PKDCC: variants seen among roughly 807,000 people sequenced by gnomAD.
PKDCC encodes the protein extracellular tyrosine-protein kinase PKDCC.
A neutral mutation model predicts 44.7 loss-of-function variants in PKDCC; 35 were observed. The ratio of observed to expected loss-of-function variants is 0.78; its 90% CI spans 0.60 to 1.04. PKDCC has a LOEUF of 1.04. PKDCC is among the 50% of genes least tolerant of loss of function. The pLI, the probability that PKDCC is intolerant of heterozygous loss-of-function variation, is 0.00. For missense variants in PKDCC, 738 were observed against 672.7 expected, an observed-to-expected ratio of 1.10 and a Z score of -1.07; for synonymous variants, 353 against 303.3, an observed-to-expected ratio of 1.16 and a Z score of -1.70.
chr2:42,054,894 G>A lies in PKDCC; in HGVS notation c.1035-47G>A, dbSNP rs756343334. On this transcript the variant is annotated intron_variant, in intron 3 of 6. Transcript: ENST00000294964. This position sits in a 1 kb window ranked among gnomAD's most constrained non-coding sequence, Gnocchi z 6.1. ...CCAGGTTGGAATAGAGGAAGGATGT[G>A]TCTCCAAAGGCTGGATTCCTGAGCC... 3.2e-6 allele frequency: 5 copies of A among 1,540,224 alleles called. No individual in the cohort carries two copies. The highest frequency in any genetic ancestry group is 4.5e-6 in the Non-Finnish European group (5 of 1,112,796).
Position 42,053,247 on chromosome 2 carries a change from C to T in PKDCC, c.648C>T (p.Gly216=). 1 of 1,608,124 alleles carries T rather than the reference C, an allele frequency of 6.2e-7. No homozygotes were observed. Among genetic ancestry groups the T allele is most frequent in the Non-Finnish European group, 8.5e-7 (1 of 1,177,362 alleles). ...LRHPNVLQLY[G]YCYQDSEDIP... ...CCCTCGGCTTTCCCCAGCTCTATGG[C>T]TACTGCTACCAGGACAGCGAGGACA... Residue 216 remains glycine, a synonymous_variant, in exon 2 of 7, where the codon GGC becomes GGT. Coordinates refer to ENST00000294964, the MANE Select transcript of PKDCC (RefSeq NM_138370.3).
Position 42,048,123 on chromosome 2 carries a change from G to A in PKDCC, c.-77G>A, listed in dbSNP as rs1210995154. 1 of 858,986 alleles carries A rather than the reference G, an allele frequency of 1.2e-6. No individual in the cohort carries two copies. Among genetic ancestry groups the A allele is most frequent in the East Asian group, 1.3e-4 (1 of 7,492 alleles). 53.2% of individuals were successfully genotyped at this position (858,986 alleles called of 1,614,324 possible). ...GGGGGCCGGCGGGGCGCAGAGCGGA[G>A]CCGCCTCGGAGCCTGAGCCGCCCGG... is the stretch of plus-strand genomic sequence containing the variant. On this transcript the variant is annotated 5_prime_UTR_variant, in exon 1 of 7. Transcript: ENST00000294964. The surrounding 1 kb of genome is among the most constrained non-coding windows in gnomAD (Gnocchi z 6.2).
rs1315265709 is a variant in PKDCC, at chr2:42,057,594, G to GC, written c.1397-3dup. On this transcript the variant is annotated splice_polypyrimidine_tract_variant and intron_variant, in intron 6 of 6. Coordinates refer to ENST00000294964, the MANE Select transcript of PKDCC (RefSeq NM_138370.3). ...TCCAGCCCTGTTACCTCTCACCTCT[G>GC]CCCCCCAGGTCGGCAGCTGGTCTTT... 1.9e-6 allele frequency: 3 copies of GC among 1,613,090 alleles called. No individual in the cohort carries two copies. The highest frequency in any genetic ancestry group is 1.1e-5 in the South Asian group (1 of 90,880).
At chr2:42,050,694 C>T (rs182993629) in intron 1 of PKDCC, among the ~76,000 whole-genome samples, 9 of 152,264 alleles carry the variant, frequency 5.9e-5, no homozygotes, top group Admixed American at 2.0e-4. Flanking sequence ...ATTGTAGAGT[C>T]CCAGACGAGA....
intron 2 of PKDCC, 93 bp from the exon 3 acceptor site, chr2:42,053,943 A>G (rs1558432255): frequency 2.0e-6 from 3 of 1,497,106 alleles, no homozygotes; most frequent in African/African-American, 2.8e-5. Flanking sequence ...CCCCACAAGC[A>G]AAGTTCAGAT....
rs1300598994 is a variant in PKDCC, at chr2:42,048,568, C to T, written c.369C>T (p.Ser123=). Reference sequence around the variant, plus strand: ...GGCCCCCGGCTCCCGGCCCAGGCTCCCCCGGCCCGGGCCCGCGCCTGGGCT... The same window carrying T: ...GGCCCCCGGCTCCCGGCCCAGGCTCTCCCGGCCCGGGCCCGCGCCTGGGCT... ...PGWPPAPGPG[S]PGPGPRLGCA... The change falls in exon 1 of 7, where the codon TCC becomes TCT. Residue 123 remains serine, a synonymous_variant. Coordinates refer to ENST00000294964, the MANE Select transcript of PKDCC (RefSeq NM_138370.3). The surrounding 1 kb of genome is among the most constrained non-coding windows in gnomAD (Gnocchi z 6.2). 1.5e-6 allele frequency: 2 copies of T among 1,348,142 alleles called. No homozygotes were observed. Among genetic ancestry groups the T allele is most frequent in the Admixed American group, 3.2e-5 (1 of 31,540 alleles). 83.5% of individuals were successfully genotyped at this position (1,348,142 alleles called of 1,614,324 possible).
intron 1 of PKDCC, among the ~76,000 whole-genome samples, 173 bp downstream of exon 1, chr2:42,049,011 C>T (rs537387310): frequency 6.6e-6 from 1 of 152,262 alleles, no homozygotes; most frequent in East Asian, 1.9e-4. Flanking sequence ...CTTCTCACTC[C>T]TGGGTGGGCG....
chr2:42,055,323 G>C lies in PKDCC; in HGVS notation c.1152G>C (p.Gln384His). Reference sequence around the variant, plus strand: ...GGGGGGTGGACGAGACCCTGGCCCAGCTGGAGAAGGTGCTGCACCTGTACC... The same window carrying C: ...GGGGGGTGGACGAGACCCTGGCCCACCTGGAGAAGGTGCTGCACCTGTACC... ...LAWGVDETLA[Q>H]LEKVLHLYRS... The change falls in exon 5 of 7, where the codon CAG becomes CAC. Residue 384 changes from glutamine (Q) to histidine (H), a missense_variant. Transcript: ENST00000294964. The surrounding 1 kb of genome is among the most constrained non-coding windows in gnomAD (Gnocchi z 4.5). The C allele has an allele frequency of 6.2e-7, 1 of 1,613,750 alleles. No individual in the cohort carries two copies. Among genetic ancestry groups the C allele is most frequent in the Non-Finnish European group, 8.5e-7 (1 of 1,180,014 alleles).
rs985241160 is a variant in PKDCC, at chr2:42,054,643, G to C, written c.1035-298G>C. ...AATTCCTCACTGGGCCCCAGCCATG[G>C]GGCTGCTCCGACACCGGGAGTCAGT... On this transcript the variant is annotated intron_variant, in intron 3 of 6. Coordinates refer to ENST00000294964, the MANE Select transcript of PKDCC (RefSeq NM_138370.3). The surrounding 1 kb of genome is among the most constrained non-coding windows in gnomAD (Gnocchi z 6.1). 2 of 548,502 alleles carry C rather than the reference G, an allele frequency of 3.6e-6. No individual in the cohort carries two copies. Among genetic ancestry groups the C allele is most frequent in the African/African-American group, 3.8e-5 (2 of 53,002 alleles). 34.0% of individuals were successfully genotyped at this position (548,502 alleles called of 1,614,324 possible).
At position 42,054,411 on chromosome 2, in the gene PKDCC, G is replaced by T; in HGVS notation, c.1034+104G>T. ...GAGGCCAGCTGGGCAGGGAGACTCA[G>T]CCTTGACCAGAGCAAGGGAAGGCTT... On this transcript the variant is annotated intron_variant, in intron 3 of 6. Coordinates refer to ENST00000294964, the MANE Select transcript of PKDCC (RefSeq NM_138370.3). This position sits in a 1 kb window ranked among gnomAD's most constrained non-coding sequence, Gnocchi z 6.1. 2 of 1,364,060 alleles carry T rather than the reference G, an allele frequency of 1.5e-6. No individual in the cohort carries two copies. Among genetic ancestry groups the T allele is most frequent in the Middle Eastern group, 2.5e-4 (1 of 3,926 alleles). The allele number at this position is 1,364,060 out of a possible 1,614,324, so 84.5% of individuals were successfully genotyped here.
rs973324138 is a variant in PKDCC, at chr2:42,054,860, C to T, written c.1035-81C>T. 19 of 1,324,212 alleles carry T rather than the reference C, an allele frequency of 1.4e-5. No homozygotes were observed. Among genetic ancestry groups the T allele is most frequent in the Non-Finnish European group, 1.9e-5 (17 of 917,682 alleles). 82.0% of individuals were successfully genotyped at this position (1,324,212 alleles called of 1,614,324 possible). ...GGATCCGGCTCCCTGGCCAGGTTAG[C>T]GTTCTGCCCCAGGTTGGAATAGAGG... On this transcript the variant is annotated intron_variant, in intron 3 of 6. Transcript: ENST00000294964. The surrounding 1 kb of genome is among the most constrained non-coding windows in gnomAD (Gnocchi z 6.1).
In PKDCC at chr2:42,057,921, G is replaced by T. The variant is rs2103933660; in HGVS notation, c.*233G>T. ...TGGCTCCTAGTCCAGGAATCATGGG[G>T]GTATGACTGCCTCTCCAACCCTGTG... On this transcript the variant is annotated 3_prime_UTR_variant, in exon 7 of 7. Transcript: ENST00000294964. 1.8e-6 allele frequency: 1 copy of T among 552,476 alleles called. No homozygotes were observed. Among genetic ancestry groups the T allele is most frequent in the Non-Finnish European group, 3.2e-6 (1 of 308,840 alleles). 34.2% of individuals were successfully genotyped at this position (552,476 alleles called of 1,614,324 possible).
chr2:42,057,810 TC>T lies in PKDCC; in HGVS notation c.*125del. 1 of 772,306 alleles carries T rather than the reference TC, an allele frequency of 1.3e-6. No individual in the cohort carries two copies. Among genetic ancestry groups the T allele is most frequent in the Non-Finnish European group, 2.1e-6 (1 of 474,098 alleles). 47.8% of individuals were successfully genotyped at this position (772,306 alleles called of 1,614,324 possible). A position where few individuals can be genotyped will look rare whatever the true frequency, so the allele number is the denominator to read the frequency against. On this transcript the variant is annotated 3_prime_UTR_variant, in exon 7 of 7. Coordinates refer to ENST00000294964, the MANE Select transcript of PKDCC (RefSeq NM_138370.3). Reference sequence around the variant, plus strand: ...GGAACCCCTGCAGACAAAGCTAACATCCCAGACAGACAGATGTGACCAGGAC... The same window carrying T: ...GGAACCCCTGCAGACAAAGCTAACATCCAGACAGACAGATGTGACCAGGAC...
rs1667922710 is a variant in PKDCC, at chr2:42,048,942, C to A, written c.639+104C>A. 1.5e-6 allele frequency: 2 copies of A among 1,339,092 alleles called. No individual in the cohort carries two copies. The highest frequency in any genetic ancestry group is 1.9e-6 in the Non-Finnish European group (2 of 1,041,244). 83.0% of individuals were successfully genotyped at this position (1,339,092 alleles called of 1,614,324 possible). On this transcript the variant is annotated intron_variant, in intron 1 of 6. Transcript: ENST00000294964. This position sits in a 1 kb window ranked among gnomAD's most constrained non-coding sequence, Gnocchi z 6.2. ...CCTTGATCTGGAGTGCCAGTGACTG[C>A]ACCCAGGCTAAGCTAGACGCAGAAA...
chr2:42,056,154 CAG>C (rs1668051234), intron 5 of PKDCC, among the ~76,000 whole-genome samples: 3 of 151,714 alleles, frequency 2.0e-5, no homozygotes, highest in Non-Finnish European at 4.4e-5. Flanking sequence ...AAATCACAGT[CAG>C]CCCTGGACTT....
rs1412310024 is a variant in PKDCC, at chr2:42,048,497, CCCCGGCCCCCTTGGG to C, written c.308_322del (p.Pro103_Pro107del). The C allele has an allele frequency of 9.4e-6, 10 of 1,066,332 alleles. No homozygotes were observed. Among genetic ancestry groups the C allele is most frequent in the African/African-American group, 5.1e-5 (3 of 58,698 alleles). The allele number at this position is 1,066,332 out of a possible 1,614,324, so 66.1% of individuals were successfully genotyped here. On this transcript the variant is annotated inframe_deletion, in exon 1 of 7. Coordinates refer to ENST00000294964, the MANE Select transcript of PKDCC (RefSeq NM_138370.3). The surrounding 1 kb of genome is among the most constrained non-coding windows in gnomAD (Gnocchi z 6.2). ...TCCGGGCGGGCCCGGCCTGCCGCGC[CCCCGGCCCCCTTGGG>C]CCCGGCCCCTGTCCGACGGCGCCCC...
At position 42,048,855 on chromosome 2, in the gene PKDCC, G is replaced by C; in HGVS notation, c.639+17G>C. 6.2e-6 allele frequency: 9 copies of C among 1,458,118 alleles called. No individual in the cohort carries two copies. The highest frequency in any genetic ancestry group is 8.2e-6 in the Non-Finnish European group (9 of 1,099,764). 90.3% of individuals were successfully genotyped at this position (1,458,118 alleles called of 1,614,324 possible). ...GTGCTGCAGGTACGAGGGTGGGGAC[G>C]CGGGGGTAACGGTGTTGGCTGGGAG... On this transcript the variant is annotated intron_variant, in intron 1 of 6. Transcript: ENST00000294964. The surrounding 1 kb of genome is among the most constrained non-coding windows in gnomAD (Gnocchi z 6.2).
At position 42,053,259 on chromosome 2, in the gene PKDCC, G is replaced by A; in HGVS notation, c.660G>A (p.Gln220=). ...NVLQLYGYCY[Q]DSEDIPDTLT... ...CCCAGCTCTATGGCTACTGCTACCA[G>A]GACAGCGAGGACATCCCAGACACCC... Residue 220 remains glutamine, a synonymous_variant, in exon 2 of 7, where the codon CAG becomes CAA. Transcript: ENST00000294964. 6.5e-7 allele frequency: 1 copy of A among 1,546,102 alleles called. No individual in the cohort carries two copies. The highest frequency in any genetic ancestry group is 8.8e-7 in the Non-Finnish European group (1 of 1,138,266).
At position 42,048,403 on chromosome 2, in the gene PKDCC, G is replaced by A. The variant is rs1667905203; in HGVS notation, c.204G>A (p.Gln68=). The A allele has an allele frequency of 8.6e-7, 1 of 1,157,362 alleles. No homozygotes were observed. The highest frequency in any genetic ancestry group is 1.1e-6 in the Non-Finnish European group (1 of 942,780). The allele number at this position is 1,157,362 out of a possible 1,614,324, so 71.7% of individuals were successfully genotyped here. The part of the protein sequence containing the change: ...RQIRARYEEV[Q]RYSRGGPGPG... ...TCCGGGCGCGCTACGAGGAGGTGCA[G>A]CGCTATTCCCGCGGGGGCCCCGGGC... Residue 68 remains glutamine, a synonymous_variant, in exon 1 of 7, where the codon CAG becomes CAA. Transcript: ENST00000294964. This position sits in a 1 kb window ranked among gnomAD's most constrained non-coding sequence, Gnocchi z 6.2.
Sources: allele counts gnomAD v4.1 joint callset (sites outside exome capture counted in the v4.1 genomes callset), GRCh38; gene constraint gnomAD v4.1.1; non-coding constraint Gnocchi (gnomAD v3.1); transcripts MANE v1.5; gene names NCBI Gene and HGNC (gene_info 2026-07-23, HGNC 2026-07-21).